MPP7: variants seen among roughly 807,000 people sequenced by gnomAD.
MPP7 encodes the protein MAGUK p55 subfamily member 7.
A neutral mutation model predicts 76.5 loss-of-function variants in MPP7; 60 were observed. That is an observed-to-expected ratio of 0.78 (90% CI 0.64 to 0.97). The LOEUF (loss-of-function observed/expected upper bound fraction) is 0.97, where lower values mean the gene tolerates loss of function less well. Ranked by LOEUF, MPP7 falls within the 50% of genes least tolerant of loss-of-function variation. The pLI, the probability that MPP7 is intolerant of heterozygous loss-of-function variation, is 0.00. For missense variants in MPP7, 641 were observed against 694.0 expected, an observed-to-expected ratio of 0.92 and a Z score of 0.86; for synonymous variants, 237 against 244.5, an observed-to-expected ratio of 0.97 and a Z score of 0.29.
At chr10:28,327,455 A>G (rs1834427646) in intron 2 of MPP7, among the ~76,000 whole-genome samples, 1 of 152,218 alleles carries the variant, frequency 6.6e-6, no homozygotes, top group African/African-American at 2.4e-5. Context: ...GAAACTTGAT[A>G]AAGAACTTCT....
intron 2 of MPP7, among the ~76,000 whole-genome samples, chr10:28,320,027 A>G (rs1433509008): frequency 6.6e-6 from 1 of 152,190 alleles, no homozygotes; most frequent in Non-Finnish European, 1.5e-5. Flanking sequence ...TCAGTAAGGG[A>G]AACTGCTCTA....
chr10:28,069,208 A>G (rs1181106343), intron 13 of MPP7, among the ~76,000 whole-genome samples: 1 of 152,234 alleles, frequency 6.6e-6, no homozygotes, highest in African/African-American at 2.4e-5. Context: ...ATATTTTAAA[A>G]TAATGAGTGT....
chr10:28,052,435 T>C lies in MPP7; in HGVS notation c.*1630A>G, dbSNP rs919109686. ...CTGATTATCTATTTTGGTGTGACTATGTGTCAAGGCCATTGGAGTGGTTTT... is the reference window on the plus strand; with the variant it reads ...CTGATTATCTATTTTGGTGTGACTACGTGTCAAGGCCATTGGAGTGGTTTT... On this transcript the variant is annotated 3_prime_UTR_variant, in exon 17 of 17. Coordinates refer to ENST00000683449, the MANE Select transcript of MPP7 (RefSeq NM_001318170.2). The C allele has an allele frequency of 2.6e-5, 4 of 152,508 alleles. No individual in the cohort carries two copies. Among genetic ancestry groups the C allele is most frequent in the African/African-American group, 9.7e-5 (4 of 41,450 alleles). The allele number at this position is 152,508 out of a possible 1,614,324, so 9.4% of individuals were successfully genotyped here. A position where few individuals can be genotyped will look rare whatever the true frequency, so the allele number is the denominator to read the frequency against.
At chr10:28,312,205 C>T (rs921974337) in intron 2 of MPP7, among the ~76,000 whole-genome samples, 2 of 152,120 alleles carry the variant, frequency 1.3e-5, no homozygotes, top group Admixed American at 6.5e-5. Flanking sequence ...TTTGTCCCCT[C>T]GCATGTTCTG....
At chr10:28,246,217 C>T (rs1294711404) in intron 1 of MPP7, among the ~76,000 whole-genome samples, 2 of 152,132 alleles carry the variant, frequency 1.3e-5, no homozygotes, top group East Asian at 3.9e-4. Context: ...AAAAATGACT[C>T]ATCATGTACA....
chr10:28,235,319 A>C (rs1215352900), intron 2 of MPP7, among the ~76,000 whole-genome samples: 1 of 150,138 alleles, frequency 6.7e-6, no homozygotes, highest in Non-Finnish European at 1.5e-5. Context: ...ATACTAATGT[A>C]AGATGCTAAT....
intron 2 of MPP7, among the ~76,000 whole-genome samples, chr10:28,217,316 C>T (rs965198272): frequency 2.6e-5 from 4 of 151,896 alleles, no homozygotes; most frequent in African/African-American, 9.7e-5. Flanking sequence ...ATTGCTTGAG[C>T]CCAGGATCTT....
chr10:28,118,699 C>T (rs1330428663), intron 11 of MPP7: 13 of 985,370 alleles, frequency 1.3e-5, no homozygotes, highest in Non-Finnish European at 1.3e-5. Flanking sequence ...GACAAGCAGG[C>T]TTTTGAATGA....
chr10:28,291,212 A>G (rs1357755135), intron 1 of MPP7, among the ~76,000 whole-genome samples: 2 of 152,268 alleles, frequency 1.3e-5, no homozygotes, highest in South Asian at 2.1e-4. Context: ...ACTCCCAGGT[A>G]ACGCAAAATA....
intron 2 of MPP7, among the ~76,000 whole-genome samples, chr10:28,310,531 T>C (rs1841284097): frequency 6.6e-6 from 1 of 152,186 alleles, no homozygotes; most frequent in Non-Finnish European, 1.5e-5. Context: ...AAAAATACCA[T>C]AAACATGTGC....
intron 14 of MPP7, 60 bp downstream of exon 14, chr10:28,059,590 G>T: frequency 1.0e-6 from 1 of 1,001,332 alleles, no homozygotes; most frequent in Non-Finnish European, 1.6e-6. Flanking sequence ...TGTCTAAAAC[G>T]GGACAGGCAT....
At chr10:28,058,413 T>C in intron 15 of MPP7, 82 bp downstream of exon 15, 3 of 659,720 alleles carry the variant, frequency 4.5e-6, no homozygotes, top group Non-Finnish European at 7.3e-6. Context: ...TGACTTCATA[T>C]TATTTCATAC....
intron 1 of MPP7, among the ~76,000 whole-genome samples, chr10:28,281,569 C>G (rs1231223623): frequency 2.0e-5 from 3 of 151,938 alleles, no homozygotes; most frequent in Non-Finnish European, 2.9e-5. Context: ...ATAGCAGAGA[C>G]AGAAAAAATA....
intron 2 of MPP7, among the ~76,000 whole-genome samples, chr10:28,322,512 C>G (rs1288216621): frequency 6.6e-6 from 1 of 152,242 alleles, no homozygotes; most frequent in Non-Finnish European, 1.5e-5. Context: ...CAGGCCCCAA[C>G]CTTTCTCTGT....
chr10:28,118,063 T>C (rs551764708), intron 11 of MPP7: 358 of 962,482 alleles, frequency 3.7e-4, no homozygotes, highest in Non-Finnish European at 3.8e-4. Flanking sequence ...TAAAGATAAA[T>C]GCTAGAATAA....
At chr10:28,216,228 G>A (rs1838305445) in intron 2 of MPP7, among the ~76,000 whole-genome samples, 1 of 151,920 alleles carries the variant, frequency 6.6e-6, no homozygotes, top group Admixed American at 6.6e-5. Flanking sequence ...AAAAAAGGAG[G>A]ATTGCCTGAG....
intron 11 of MPP7, among the ~76,000 whole-genome samples, chr10:28,095,953 A>C (rs898506038): frequency 2.0e-5 from 3 of 152,218 alleles, no homozygotes; most frequent in African/African-American, 7.2e-5. Context: ...GTTTATTACA[A>C]TAGGAAAGTG....
chr10:28,168,739 C>T (rs1001457256), intron 3 of MPP7, among the ~76,000 whole-genome samples: 3 of 152,222 alleles, frequency 2.0e-5, no homozygotes, highest in Non-Finnish European at 4.4e-5. Flanking sequence ...AGAATGGTCT[C>T]GATCTCCTGA....
chr10:28,208,083 T>C (rs1051373526), intron 2 of MPP7, among the ~76,000 whole-genome samples: 5 of 152,134 alleles, frequency 3.3e-5, no homozygotes, highest in African/African-American at 9.7e-5. Context: ...AAGGAGATTT[T>C]TTCCTGTTAT....
Sources: gnomAD v4.1 joint callset for allele counts (sites outside exome capture counted in the v4.1 genomes callset) on GRCh38, gnomAD v4.1.1 for gene constraint, MANE v1.5 for transcripts, NCBI Gene and HGNC (gene_info 2026-07-23, HGNC 2026-07-21) for gene names.